Variants in AUH observed in about 807,000 individuals in gnomAD.
AUH encodes methylglutaconyl-CoA hydratase, mitochondrial.
A neutral mutation model predicts 42.3 loss-of-function variants in AUH; 29 were observed. The observed-to-expected ratio is 0.69, with a 90% CI of 0.51 to 0.93. The LOEUF (loss-of-function observed/expected upper bound fraction) is 0.93. AUH is among the 40% of genes least tolerant of loss of function. The probability of loss-of-function intolerance (pLI) is 0.00; values close to 1 mark genes in which losing one functional copy is unlikely to be tolerated. For missense variants in AUH, 452 were observed against 438.1 expected, an observed-to-expected ratio of 1.03 and a Z score of -0.28; for synonymous variants, 174 against 166.4, an observed-to-expected ratio of 1.05 and a Z score of -0.35.
intron 4 of AUH, among the ~76,000 whole-genome samples, chr9:91,317,023 C>T (rs958567339): frequency 3.3e-5 from 5 of 152,208 alleles, no homozygotes; most frequent in African/African-American, 1.2e-4. Context: ...ATCTGCAATG[C>T]CACCTCTGTC....
chr9:91,288,011 G>C (rs1826551859), intron 6 of AUH, among the ~76,000 whole-genome samples: 1 of 151,984 alleles, frequency 6.6e-6, no homozygotes, highest in Non-Finnish European at 1.5e-5. Context: ...GTGTTTTACT[G>C]CTATTCAAAC....
chr9:91,308,146 A>G (rs1029257547), intron 4 of AUH, among the ~76,000 whole-genome samples: 5 of 152,220 alleles, frequency 3.3e-5, no homozygotes, highest in Admixed American at 6.5e-5. Flanking sequence ...AAAGAAAAGC[A>G]TAACGACAGG....
At chr9:91,340,721 T>C (rs772052539) in intron 3 of AUH, among the ~76,000 whole-genome samples, 2 of 152,198 alleles carry the variant, frequency 1.3e-5, no homozygotes, top group Non-Finnish European at 2.9e-5. Context: ...ACAGCCTCCA[T>C]GGCCAAGCCT....
intron 6 of AUH, among the ~76,000 whole-genome samples, chr9:91,249,451 T>C (rs771870769): frequency 2.0e-5 from 3 of 152,006 alleles, no homozygotes; most frequent in Non-Finnish European, 4.4e-5. Flanking sequence ...AGCCCTCTTT[T>C]CCTGTAACCT....
chr9:91,346,876 A>C (rs1001488697), intron 3 of AUH, among the ~76,000 whole-genome samples: 6 of 151,946 alleles, frequency 3.9e-5, no homozygotes, highest in Middle Eastern at 3.4e-3. Flanking sequence ...AAAAAAAAAA[A>C]CACTTTATTT....
chr9:91,317,033 C>T (rs1178287415), intron 4 of AUH, among the ~76,000 whole-genome samples: 1 of 152,208 alleles, frequency 6.6e-6, no homozygotes, highest in East Asian at 1.9e-4. Context: ...CCACCTCTGT[C>T]ACATATCAAC....
At chr9:91,360,052 T>C (rs1261376312) in intron 1 of AUH, among the ~76,000 whole-genome samples, 2 of 152,064 alleles carry the variant, frequency 1.3e-5, no homozygotes, top group African/African-American at 2.4e-5. Context: ...AAAAAAATTT[T>C]CGTTTATTAT....
At chr9:91,321,389 G>GT (rs750854460) in intron 4 of AUH, among the ~76,000 whole-genome samples, 4 of 151,692 alleles carry the variant, frequency 2.6e-5, no homozygotes, top group East Asian at 3.9e-4. Flanking sequence ...TTTTTGTTTT[G>GT]TTTTTTCTTG....
intron 3 of AUH, among the ~76,000 whole-genome samples, chr9:91,354,880 A>C (rs1054979645): frequency 2.1e-5 from 3 of 143,278 alleles, no homozygotes; most frequent in Admixed American, 2.0e-4. Context: ...TGATCTAGAC[A>C]TAAGAATCCT....
At chr9:91,232,522 C>T (rs989860348) in intron 6 of AUH, among the ~76,000 whole-genome samples, 1 of 152,106 alleles carries the variant, frequency 6.6e-6, no homozygotes, top group African/African-American at 2.4e-5. Context: ...AGAAAAGCAA[C>T]TATAATATTT....
intron 4 of AUH, among the ~76,000 whole-genome samples, chr9:91,301,784 C>T (rs75968930): frequency 0.022 from 3,338 of 152,056 alleles, 202 homozygotes; most frequent in East Asian, 0.21. Flanking sequence ...GTAAGAAATA[C>T]GTAACACAAA....
At chr9:91,234,251 G>C (rs920221278) in intron 6 of AUH, among the ~76,000 whole-genome samples, 2 of 152,182 alleles carry the variant, frequency 1.3e-5, no homozygotes, top group African/African-American at 4.8e-5. Context: ...CAGCTGGACA[G>C]GCGTCTACAT....
rs538522011 is a variant in AUH at position 91,252,452 on chromosome 9, C to T, written c.656-31460G>A. On this transcript the variant is annotated intron_variant, in intron 6 of 9. Transcript: ENST00000375731. ...GAACTTTATCAACTTTTAATTTTCA[C>T]ATAAATTCTCTGAGGTGGTGCCATC... is the stretch of plus-strand genomic sequence containing the variant. Among the ~76,000 whole-genome samples, 60 of 152,256 alleles carry T rather than the reference C, an allele frequency of 3.9e-4. No individual in the cohort carries two copies. The South Asian group carries it at 7.1e-3, about 18-fold the overall frequency.
At chr9:91,345,690 G>A (rs912657540) in intron 3 of AUH, among the ~76,000 whole-genome samples, 10 of 151,718 alleles carry the variant, frequency 6.6e-5, no homozygotes, top group Admixed American at 2.6e-4. Flanking sequence ...AAAATTAGCC[G>A]GGCGTGGTGG....
At chr9:91,217,141 T>C in intron 8 of AUH, 136 bp downstream of exon 8, 1 of 872,810 alleles carries the variant, frequency 1.1e-6, no homozygotes, top group Non-Finnish European at 1.8e-6. Context: ...GGAACTTCAG[T>C]AGCTTTCAGT....
intron 6 of AUH, among the ~76,000 whole-genome samples, chr9:91,262,768 C>G (rs954706625): frequency 6.6e-6 from 1 of 152,144 alleles, no homozygotes; most frequent in African/African-American, 2.4e-5. Flanking sequence ...TCCGTAACTA[C>G]TCCATCAAGG....
At chr9:91,333,032 G>A (rs980952005) in intron 3 of AUH, among the ~76,000 whole-genome samples, 2 of 152,178 alleles carry the variant, frequency 1.3e-5, no homozygotes, top group African/African-American at 4.8e-5. Flanking sequence ...ATCAGCAGTG[G>A]AGCAAGTCTT....
intron 1 of AUH, chr9:91,357,626 T>C (rs899476546): frequency 4.4e-5 from 21 of 479,424 alleles, no homozygotes; most frequent in Non-Finnish European, 5.2e-5. Context: ...CAGTAACTTG[T>C]AACCAGAATT....
At chr9:91,246,903 A>C (rs1227510250) in intron 6 of AUH, among the ~76,000 whole-genome samples, 1 of 152,200 alleles carries the variant, frequency 6.6e-6, no homozygotes, top group East Asian at 1.9e-4. Context: ...GGTAGTCCCC[A>C]TCATGCCTAA....
Sources: gnomAD v4.1 joint callset for allele counts (sites outside exome capture counted in the v4.1 genomes callset) on GRCh38, gnomAD v4.1.1 for gene constraint, MANE v1.5 for transcripts, NCBI Gene and HGNC (gene_info 2026-07-23, HGNC 2026-07-21) for gene names.